Variants in WNT5B observed in about 807,000 individuals in gnomAD.
WNT5B encodes the protein protein Wnt-5b.
WNT5B carries 18 observed loss-of-function variants against 36.5 expected under a neutral mutation model. The ratio of observed to expected loss-of-function variants is 0.49; its 90% CI spans 0.34 to 0.73. The LOEUF (loss-of-function observed/expected upper bound fraction) is 0.73, where lower values mean the gene tolerates loss of function less well. WNT5B is among the 30% of genes least tolerant of loss of function. The pLI is 0.01. For synonymous variants in WNT5B, 213 were observed against 212.3 expected (o/e 1.00, Z -0.03); for missense variants, 424 against 508.4 (o/e 0.83, Z 1.60).
At chr12:1,628,584 C>T (rs553071485), upstream of WNT5B, among the ~76,000 whole-genome samples, 1 of 152,290 alleles carries the variant, frequency 6.6e-6, no homozygotes, top group Non-Finnish European at 1.5e-5. Context: ...AGGAGAGCCT[C>T]CCCTGGTTGA....
intron 3 of WNT5B, among the ~76,000 whole-genome samples, chr12:1,639,075 A>G (rs554141286): frequency 7.9e-5 from 12 of 152,120 alleles, no homozygotes; most frequent in African/African-American, 2.9e-4. Flanking sequence ...TCTGCAGGTC[A>G]CACAGGCTCT....
chr12:1,623,187 G>GTTGTTTTTTT (rs1555156806), intron 1 of WNT5B, among the ~76,000 whole-genome samples: 16 of 58,378 alleles, frequency 2.7e-4, no homozygotes, highest in African/African-American at 8.6e-4. Flanking sequence ...GTTTTTTGTT[G>GTTGTTTTTTT]TTTTTTTTTT....
intron 2 of WNT5B, among the ~76,000 whole-genome samples, chr12:1,631,675 C>T (rs2094551161): frequency 6.6e-6 from 1 of 152,204 alleles, no homozygotes; most frequent in Admixed American, 6.5e-5. Flanking sequence ...GTCCACATTC[C>T]TTTTCCTTGG....
In WNT5B at chr12:1,636,299, C is replaced by T. The variant is rs969117523; in HGVS notation, c.329-3385C>T. Among the ~76,000 whole-genome samples, 4 of 151,920 alleles carry T rather than the reference C, an allele frequency of 2.6e-5. No individual in the cohort carries two copies. In the South Asian group the frequency reaches 8.4e-4, roughly 32 times the overall value. On this transcript the variant is annotated intron_variant, in intron 3 of 4. Transcript: ENST00000397196. ...CTAATCCCATAACATTTTCACCGCT[C>T]CACAGAGAAACTGCACACCCGTTAA...
chr12:1,626,756 G>A (rs764515872), upstream of WNT5B, among the ~76,000 whole-genome samples: 15 of 151,570 alleles, frequency 9.9e-5, no homozygotes, highest in East Asian at 1.9e-4. Flanking sequence ...CAGTAGAGAC[G>A]GGGTTTCACC....
chr12:1,639,821 TGGCTGTGGGGC>T lies in WNT5B; in HGVS notation c.477_487del (p.Gly160GlnfsTer48), dbSNP rs2094571091. 7.4e-6 allele frequency: 12 copies of T among 1,613,754 alleles called. No homozygotes were observed. The highest frequency in any genetic ancestry group is 2.2e-5 in the South Asian group (2 of 91,088). The stretch of plus-strand genomic sequence containing the variant: ...GCGGCCCAAGGACCTGCCCCGGGAC[TGGCTGTGGGGC>T]GGCTGTGGGGACAACGTGGAGTACG... On this transcript the variant is annotated frameshift_variant, in exon 4 of 5. Coordinates refer to ENST00000397196, the MANE Select transcript of WNT5B (RefSeq NM_032642.3). LOFTEE classifies it high-confidence loss of function.
intron 1 of WNT5B, among the ~76,000 whole-genome samples, chr12:1,617,568 C>A (rs2094528513): frequency 1.3e-5 from 2 of 151,820 alleles, no homozygotes; most frequent in African/African-American, 2.4e-5. Flanking sequence ...GAGATCAGAG[C>A]TGCAGTGAGC....
upstream of WNT5B, among the ~76,000 whole-genome samples, chr12:1,628,366 C>T (rs565938110): frequency 3.3e-5 from 5 of 152,232 alleles, no homozygotes; most frequent in African/African-American, 9.6e-5. Flanking sequence ...CCATGTTGGC[C>T]GGGCTGGTCT....
chr12:1,636,467 A>G (rs1308277424), intron 3 of WNT5B, among the ~76,000 whole-genome samples: 1 of 139,718 alleles, frequency 7.2e-6, no homozygotes, highest in Non-Finnish European at 1.5e-5. Context: ...TACTTAGCAC[A>G]ATGATTTAAA....
chr12:1,641,362 G>A (rs1293701790), intron 4 of WNT5B, among the ~76,000 whole-genome samples: 1 of 149,100 alleles, frequency 6.7e-6, no homozygotes, highest in Non-Finnish European at 1.5e-5. Flanking sequence ...CTCCAGCCTG[G>A]GCAACAGAGC....
chr12:1,639,584 C>G, intron 3 of WNT5B, 100 bp from the exon 4 acceptor site: 1 of 1,332,276 alleles, frequency 7.5e-7, no homozygotes, highest in South Asian at 1.6e-5. Context: ...GGGGTGTCAG[C>G]AGAGCCGTGG....
intron 3 of WNT5B, among the ~76,000 whole-genome samples, chr12:1,639,212 C>A (rs7961680): frequency 0.64 from 94,897 of 147,506 alleles, 31,365 homozygotes; most frequent in East Asian, 0.74. Context: ...GTCTCAGCTC[C>A]CTGCAAGCTC....
chr12:1,627,089 G>T (rs550098264), upstream of WNT5B, among the ~76,000 whole-genome samples: 35 of 152,192 alleles, frequency 2.3e-4, no homozygotes, highest in African/African-American at 3.9e-4. The surrounding 1 kb of genome is among the most constrained non-coding windows in gnomAD (Gnocchi z 5.0). Flanking sequence ...CTATTCCATG[G>T]CACATTAAAT....
chr12:1,636,533 A>T (rs1271285937), intron 3 of WNT5B, among the ~76,000 whole-genome samples: 57 of 32,862 alleles, frequency 1.7e-3, no homozygotes, highest in African/African-American at 5.8e-3. Context: ...ATATATATAT[A>T]TATATATACT....
intron 3 of WNT5B, among the ~76,000 whole-genome samples, chr12:1,637,743 C>G (rs914474033): frequency 2.0e-5 from 3 of 148,336 alleles, no homozygotes; most frequent in Non-Finnish European, 4.5e-5. Context: ...GACTGAGACT[C>G]TGTCTCAAAA....
rs2094530307 is a variant in WNT5B, at chr12:1,618,989, A to C, written c.-58+1846A>C. On this transcript the variant is annotated intron_variant, in intron 1 of 4. Coordinates refer to the WNT5B transcript ENST00000310594. This position sits in a 1 kb window ranked among gnomAD's most constrained non-coding sequence, Gnocchi z 4.1. ...ACTGTGATTGGGTCTGTTTTGCTAT[A>C]TACTTCCCAAATTGTGTACCTTATC... 6.6e-6 allele frequency among the ~76,000 whole-genome samples: 1 copy of C among 152,112 alleles called. No individual in the cohort carries two copies. The highest frequency in any genetic ancestry group is 2.4e-5 in the African/African-American group (1 of 41,392).
rs1002098063 is a variant in WNT5B at position 1,644,697 on chromosome 12, G to A, written c.622-1097G>A. 6.6e-6 allele frequency: 1 copy of A among 152,208 alleles called. No homozygotes were observed. Among genetic ancestry groups the A allele is most frequent in the Non-Finnish European group, 1.5e-5 (1 of 68,046 alleles). 9.4% of individuals were successfully genotyped at this position (152,208 alleles called of 1,614,324 possible). On this transcript the variant is annotated intron_variant, in intron 4 of 4. Transcript: ENST00000397196. The surrounding 1 kb of genome is among the most constrained non-coding windows in gnomAD (Gnocchi z 5.1). ...GGCTTGCGTTTTCATCCCGCCATCT[G>A]CACGTCTAGGCCTGCTGCCAGGGTT... is the stretch of plus-strand genomic sequence containing the variant.
chr12:1,623,188 T>TTTTTTTG (rs2094536393), intron 1 of WNT5B, among the ~76,000 whole-genome samples: 3 of 56,612 alleles, frequency 5.3e-5, no homozygotes, highest in Non-Finnish European at 1.1e-4. Context: ...TTTTTTGTTG[T>TTTTTTTG]TTTTTTTTTT....
rs1309058271 is a variant in WNT5B, at chr12:1,645,854, C to G, written c.682C>G (p.Leu228Val). The change falls in exon 5 of 5, where the codon CTC becomes GTC. Residue 228 changes from leucine (L) to valine (V), a missense_variant. Coordinates refer to ENST00000397196, the MANE Select transcript of WNT5B (RefSeq NM_032642.3). ...KCHGVSGSCSLKTCWLQLAEF... is the reference protein window; with the variant it reads ...KCHGVSGSCSVKTCWLQLAEF... ...CCACGGCGTCTCGGGGTCCTGCAGCCTCAAGACCTGCTGGCTGCAGCTGGC... is the reference window on the plus strand; with the variant it reads ...CCACGGCGTCTCGGGGTCCTGCAGCGTCAAGACCTGCTGGCTGCAGCTGGC... The G allele has an allele frequency of 9.3e-6, 15 of 1,611,152 alleles. No individual in the cohort carries two copies. Among genetic ancestry groups the G allele is most frequent in the Non-Finnish European group, 1.2e-5 (14 of 1,178,782 alleles).
Sources: allele counts gnomAD v4.1 joint callset (sites outside exome capture counted in the v4.1 genomes callset), GRCh38; gene constraint gnomAD v4.1.1; non-coding constraint Gnocchi (gnomAD v3.1); transcripts MANE v1.5; gene names NCBI Gene and HGNC (gene_info 2026-07-23, HGNC 2026-07-21).